The following TAF7L variants were observed in gnomAD, a reference collection of about 807,000 sequenced individuals.
TAF7L encodes the protein transcription initiation factor TFIID subunit 7-like.
Under a neutral mutation model 30.2 loss-of-function variants are expected in TAF7L, and 6 were observed. The observed-to-expected ratio is 0.20, with a 90% confidence interval of 0.11 to 0.39. The LOEUF is 0.39. TAF7L is among the 10% of genes least tolerant of loss of function. TAF7L has a pLI of 1.00. For synonymous variants in TAF7L, 93 were observed against 94.5 expected, an observed-to-expected ratio of 0.98 and a Z score of 0.09; for missense variants, 284 against 277.1, an observed-to-expected ratio of 1.03 and a Z score of -0.18.
In TAF7L at chrX:101,288,433, G is replaced by A. The variant is rs1432094454; in HGVS notation, c.-2-888C>T. The stretch of plus-strand genomic sequence containing the variant: ...GCTGGGATTACAGGCCTGAGCCACC[G>A]CGCCCAGCATGGAATCCAGTTCTTT... On this transcript the variant is annotated intron_variant, in intron 1 of 12. Coordinates refer to ENST00000356784, the MANE Select transcript of TAF7L (RefSeq NM_001168474.2). Among the ~76,000 whole-genome samples the A allele has an allele frequency of 3.8e-5, 4 of 106,150 alleles. No individual in the cohort carries two copies. The Admixed American group carries it at 4.1e-4, about 11-fold the overall frequency. The allele number at this position is 106,150 out of a possible 115,157, so 92.2% of individuals were successfully genotyped here. A position where few individuals can be genotyped will look rare whatever the true frequency, so the allele number is the denominator to read the frequency against.
intron 6 of TAF7L, 126 bp downstream of exon 6, chrX:101,281,594 C>A: frequency 3.0e-6 from 2 of 657,585 alleles, no homozygotes; most frequent in Non-Finnish European, 4.8e-6. Flanking sequence ...AGTTCACATT[C>A]AATAAATGTT....
In TAF7L at chrX:101,271,578, G is replaced by C. The variant is rs757978021; in HGVS notation, c.1087-2341C>G. Among the ~76,000 whole-genome samples the C allele has an allele frequency of 3.3e-3, 369 of 112,136 alleles. 1 individual carries two copies. Among genetic ancestry groups the C allele is most frequent in the African/African-American group, 0.011 (345 of 30,935 alleles). ...ACTATGAATAGAGCTTGCAGGACTA[G>C]AAGTTGCTGTGGGTGAGTCAGTGAG... On this transcript the variant is annotated intron_variant, in intron 12 of 12. Coordinates refer to ENST00000356784, the MANE Select transcript of TAF7L (RefSeq NM_001168474.2).
upstream of TAF7L, chrX:101,292,868 C>T (rs759737945): frequency 2.5e-6 from 3 of 1,211,506 alleles, no homozygotes; most frequent in South Asian, 3.5e-5. Context: ...GTGTCCTCGT[C>T]GGCAGGAATC....
intron 8 of TAF7L, 55 bp downstream of exon 8, chrX:101,277,994 G>C: frequency 9.4e-7 from 1 of 1,063,044 alleles, no homozygotes; most frequent in Non-Finnish European, 1.3e-6. Context: ...GGCTTCGTCA[G>C]CATGTACAAA....
Position 101,277,684 on chromosome X carries a change from T to A in TAF7L, c.613A>T (p.Ile205Leu). Reference sequence around the variant, plus strand: ...CCTGGGATGGAGCCTTGACTTTCTATTTCCTTGGTTCCATCTTCAGCAATG... The same window carrying A: ...CCTGGGATGGAGCCTTGACTTTCTAATTCCTTGGTTCCATCTTCAGCAATG... ...EVIAEDGTKE[I>L]ESQGSIPGFL... Residue 205 changes from isoleucine (I) to leucine (L), a missense_variant, in exon 9 of 13, where the codon ATA becomes TTA. Ile to Leu is a conservative substitution (Grantham distance 5). Transcript: ENST00000356784. 8.3e-7 allele frequency: 1 copy of A among 1,205,020 alleles called. No individual in the cohort carries two copies. Among genetic ancestry groups the A allele is most frequent in the Non-Finnish European group, 1.1e-6 (1 of 893,017 alleles).
rs745448615 is a variant in TAF7L, at chrX:101,282,414, G to C, written c.319C>G (p.Pro107Ala). The change falls in exon 5 of 13, where the codon CCA becomes GCA. Residue 107 changes from proline to alanine, a missense_variant. By Grantham distance (27) the Pro-to-Ala change is conservative. Coordinates refer to ENST00000356784, the MANE Select transcript of TAF7L (RefSeq NM_001168474.2). ...CTADGDIHLS[P>A]EEPAASTDPN... ...TCAGTAGAGGCAGCTGGTTCTTCTG[G>C]AGAAAGGTGGATATCACCATCAGCA... The C allele has an allele frequency of 7.4e-6, 9 of 1,210,551 alleles. No homozygotes were observed. The highest frequency in any genetic ancestry group is 1.0e-5 in the Non-Finnish European group (9 of 894,908).
intron 12 of TAF7L, among the ~76,000 whole-genome samples, chrX:101,274,080 C>T (rs376754611): frequency 3.6e-5 from 4 of 112,357 alleles, no homozygotes; most frequent in South Asian, 7.4e-4. Context: ...TGAATAACAT[C>T]GTTTTGTCCA....
At chrX:101,292,905 G>A (rs757605410), upstream of TAF7L, 45 of 1,208,962 alleles carry the variant, frequency 3.7e-5, no homozygotes, top group East Asian at 1.5e-4. Flanking sequence ...CAGCAATGTC[G>A]GCGCTGCTTT....
intron 1 of TAF7L, chrX:101,287,822 T>C (rs1305807886): frequency 4.2e-6 from 1 of 237,594 alleles, no homozygotes; most frequent in East Asian, 7.4e-5. Context: ...AGAGCTGTTA[T>C]GAAACATGAT....
chrX:101,284,607 C>T (rs1040461486), intron 3 of TAF7L, among the ~76,000 whole-genome samples: 1 of 111,677 alleles, frequency 9.0e-6, no homozygotes, highest in African/African-American at 3.2e-5. Flanking sequence ...TCAAGTGATC[C>T]GCCCGCCTCA....
intron 12 of TAF7L, among the ~76,000 whole-genome samples, chrX:101,270,265 G>A (rs1339256183): frequency 1.8e-5 from 2 of 111,790 alleles, no homozygotes; most frequent in Non-Finnish European, 3.8e-5. Context: ...ATACCAGAAT[G>A]AATTTTTAGT....
At chrX:101,288,580 T>G (rs1016776169) in intron 1 of TAF7L, among the ~76,000 whole-genome samples, 1 of 109,575 alleles carries the variant, frequency 9.1e-6, no homozygotes, top group Non-Finnish European at 1.9e-5. Flanking sequence ...CTTTATTGTG[T>G]GCATTCTGTA....
chrX:101,282,578 T>C lies in TAF7L; in HGVS notation c.280-125A>G, dbSNP rs775054601. The C allele has an allele frequency of 5.2e-6, 4 of 769,246 alleles. No homozygotes were observed. In the East Asian group the frequency reaches 1.3e-4, roughly 26 times the overall value. 63.4% of individuals were successfully genotyped at this position (769,246 alleles called of 1,213,427 possible). ...CTTGCCATTTCCAGAAAACCAAGTA[T>C]TTTGTAATGTACATTTATATTCTCT... On this transcript the variant is annotated intron_variant, in intron 4 of 12. Transcript: ENST00000356784.
chrX:101,275,154 A>T, intron 12 of TAF7L, 68 bp downstream of exon 12: 1 of 791,182 alleles, frequency 1.3e-6, no homozygotes, highest in Non-Finnish European at 1.9e-6. Flanking sequence ...CAGCAATGAT[A>T]TTGGAATTGA....
chrX:101,276,623 C>T, intron 9 of TAF7L, 95 bp from the exon 10 acceptor site: 1 of 919,540 alleles, frequency 1.1e-6, no homozygotes, highest in Admixed American at 2.8e-5. Flanking sequence ...ATTCCCCAGG[C>T]AACCAGTGAA....
In TAF7L at chrX:101,278,117, A is replaced by G. The variant is rs761088105; in HGVS notation, c.509T>C (p.Ile170Thr). The G allele has an allele frequency of 1.7e-6, 2 of 1,209,632 alleles. No individual in the cohort carries two copies. ...EMEKSSFTEY[I>T]ESPDVENEVK... ...TTCATTTTCCACGTCTGGAGATTCAATGTACTGAAGCAAAGTTGGGGATTA... is the reference window on the plus strand; with the variant it reads ...TTCATTTTCCACGTCTGGAGATTCAGTGTACTGAAGCAAAGTTGGGGATTA... The change falls in exon 8 of 13, where the codon ATT (isoleucine) becomes ACT (threonine). Residue 170 changes from isoleucine (I) to threonine (T), a missense_variant. Transcript: ENST00000356784.
At chrX:101,292,983 T>C (rs769946075), upstream of TAF7L, 7 of 1,210,975 alleles carry the variant, frequency 5.8e-6, no homozygotes, top group South Asian at 1.2e-4. Context: ...CTTCCGATGT[T>C]GAAACTGTTG....
intron 9 of TAF7L, among the ~76,000 whole-genome samples, 155 bp downstream of exon 9, chrX:101,277,451 C>CAAAAAA (rs368056727): frequency 4.9e-5 from 2 of 40,417 alleles, no homozygotes; most frequent in African/African-American, 1.0e-4. Flanking sequence ...GACTCCATCT[C>CAAAAAA]AAAAAAAAAA....
At chrX:101,283,399 G>A (rs751887894) in intron 4 of TAF7L, 51 bp downstream of exon 4, 2 of 1,169,490 alleles carry the variant, frequency 1.7e-6, no homozygotes, top group African/African-American at 1.8e-5. Context: ...AATAGGAAGA[G>A]AAAAGAATTC....
Sources: allele counts gnomAD v4.1 joint callset (sites outside exome capture counted in the v4.1 genomes callset), GRCh38; gene constraint gnomAD v4.1.1; transcripts MANE v1.5; gene names NCBI Gene and HGNC (gene_info 2026-07-23, HGNC 2026-07-21).